The following CRMP1 variants were observed in gnomAD, a reference collection of about 807,000 sequenced individuals.
CRMP1 encodes dihydropyrimidinase-related protein 1.
A neutral mutation model predicts 68.3 loss-of-function variants in CRMP1; 19 were observed. The ratio of observed to expected loss-of-function variants is 0.28; its 90% confidence interval spans 0.19 to 0.41. The LOEUF (loss-of-function observed/expected upper bound fraction) is 0.41. Among genes scored for constraint, CRMP1 ranks in the 10% least tolerant of loss-of-function variants. CRMP1 has a pLI of 1.00. For missense variants in CRMP1, 791 were observed against 967.4 expected, an observed-to-expected ratio of 0.82 and a Z score of 2.42; for synonymous variants, 439 against 399.6, an observed-to-expected ratio of 1.10 and a Z score of -1.18.
Position 5,861,919 on chromosome 4 carries a change from C to G in CRMP1, c.471-709G>C, listed in dbSNP as rs1713592239. ...TTAATTTTCTAAGTCACAAAAAACCCTAGTAATAAAGACACAGGAAGATGC... is the reference window on the plus strand; with the variant it reads ...TTAATTTTCTAAGTCACAAAAAACCGTAGTAATAAAGACACAGGAAGATGC... On this transcript the variant is annotated intron_variant, in intron 2 of 13. Coordinates refer to ENST00000324989, the MANE Select transcript of CRMP1 (RefSeq NM_001014809.3). The surrounding 1 kb of genome is among the most constrained non-coding windows in gnomAD (Gnocchi z 6.0). 6.6e-6 allele frequency among the ~76,000 whole-genome samples: 1 copy of G among 152,154 alleles called. No homozygotes were observed. Among genetic ancestry groups the G allele is most frequent in the South Asian group, 2.1e-4 (1 of 4,830 alleles).
intron 1 of CRMP1, among the ~76,000 whole-genome samples, chr4:5,884,984 T>TA (rs33952240): frequency 0.57 from 79,749 of 140,716 alleles, 22,374 homozygotes; most frequent in East Asian, 0.73. Flanking sequence ...TGCCATTCAT[T>TA]AAAAAAAAAA....
intron 6 of CRMP1, among the ~76,000 whole-genome samples, 176 bp downstream of exon 6, chr4:5,849,216 A>G (rs112886471): frequency 6.6e-6 from 1 of 152,218 alleles, no homozygotes; most frequent in Admixed American, 6.5e-5. Context: ...TGCCACTGGT[A>G]TGACCTAGGT....
At position 5,865,320 on chromosome 4, in the gene CRMP1, G is replaced by C. The variant is rs145638180; in HGVS notation, c.470+1348C>G. On this transcript the variant is annotated intron_variant, in intron 2 of 13. Transcript: ENST00000324989. The surrounding 1 kb of genome is among the most constrained non-coding windows in gnomAD (Gnocchi z 4.1). ...AAGAGAACTGCCCTGATCCTCACCC[G>C]CCAGTAAAATGTTAAGGCCAGCCAG... Among the ~76,000 whole-genome samples the C allele has an allele frequency of 2.3e-3, 350 of 152,076 alleles. No individual in the cohort carries two copies. The highest frequency in any genetic ancestry group is 8.0e-3 in the African/African-American group (331 of 41,498).
chr4:5,868,310 T>G (rs1447961135), intron 1 of CRMP1, among the ~76,000 whole-genome samples: 1 of 137,864 alleles, frequency 7.3e-6, no homozygotes, highest in Admixed American at 7.3e-5. Flanking sequence ...TATACATAAT[T>G]TTTTTTTTTG....
chr4:5,824,092 G>C (rs1275692653), intron 13 of CRMP1, among the ~76,000 whole-genome samples: 1 of 152,144 alleles, frequency 6.6e-6, no homozygotes, highest in African/African-American at 2.4e-5. Context: ...TAACTTCATT[G>C]TTATTCTTGT....
At position 5,889,830 on chromosome 4, in the gene CRMP1, C is replaced by A; in HGVS notation, c.381+2759G>T. 6.7e-7 allele frequency: 1 copy of A among 1,482,412 alleles called. No individual in the cohort carries two copies. Among genetic ancestry groups the A allele is most frequent in the South Asian group, 1.3e-5 (1 of 75,528 alleles). 91.8% of individuals were successfully genotyped at this position (1,482,412 alleles called of 1,614,324 possible). A position where few individuals can be genotyped will look rare whatever the true frequency, so the allele number is the denominator to read the frequency against. ...CAGTCCCCTAATCCAGGGCAGGAGG[C>A]CAGAGACACCTGGGCCTTAAAATAG... On this transcript the variant is annotated intron_variant, in intron 1 of 13. Coordinates refer to ENST00000324989, the MANE Select transcript of CRMP1 (RefSeq NM_001014809.3). This position sits in a 1 kb window ranked among gnomAD's most constrained non-coding sequence, Gnocchi z 4.5.
At chr4:5,868,283 A>ATATC (rs1714167441) in intron 1 of CRMP1, among the ~76,000 whole-genome samples, 1 of 121,138 alleles carries the variant, frequency 8.3e-6, no homozygotes, top group Non-Finnish European at 1.9e-5. Flanking sequence ...ATATATATAT[A>ATATC]TATATATATA....
rs1009497532 is a variant in CRMP1 at position 5,860,941 on chromosome 4, C to T, written c.655+85G>A. On this transcript the variant is annotated intron_variant, in intron 3 of 13. Coordinates refer to ENST00000324989, the MANE Select transcript of CRMP1 (RefSeq NM_001014809.3). This position sits in a 1 kb window ranked among gnomAD's most constrained non-coding sequence, Gnocchi z 4.2. ...CAATGGCACCCTGGGCAGAGAGCCT[C>T]GAACACACTGAGCACTTGTGATGCT... is the stretch of plus-strand genomic sequence containing the variant. 7.1e-6 allele frequency: 10 copies of T among 1,405,232 alleles called. No homozygotes were observed. The highest frequency in any genetic ancestry group is 2.0e-5 in the Admixed American group (1 of 49,744). The allele number at this position is 1,405,232 out of a possible 1,614,324, so 87.0% of individuals were successfully genotyped here. A position where few individuals can be genotyped will look rare whatever the true frequency, so the allele number is the denominator to read the frequency against.
rs527980677 is a variant in CRMP1, at chr4:5,890,608, C to G, written c.381+1981G>C. On this transcript the variant is annotated intron_variant, in intron 1 of 13. Coordinates refer to ENST00000324989, the MANE Select transcript of CRMP1 (RefSeq NM_001014809.3). This position sits in a 1 kb window ranked among gnomAD's most constrained non-coding sequence, Gnocchi z 5.5. ...CGAAGCTCGAGTGCTTTCGGAGCCC[C>G]GGGAGCGCCAGAGGCGCTGCCTTTT... Among the ~76,000 whole-genome samples, 1 of 152,224 alleles carries G rather than the reference C, an allele frequency of 6.6e-6. No individual in the cohort carries two copies. The highest frequency in any genetic ancestry group is 1.5e-5 in the Non-Finnish European group (1 of 68,038).
At chr4:5,833,401 C>T (rs1385343343) in intron 11 of CRMP1, among the ~76,000 whole-genome samples, 1 of 86,980 alleles carries the variant, frequency 1.1e-5, no homozygotes, top group Non-Finnish European at 2.5e-5. Flanking sequence ...CTCCTGACCT[C>T]GTGATCCGCC....
In CRMP1 at chr4:5,870,064, T is replaced by C. The variant is rs750104586; in HGVS notation, c.382-3308A>G. Among the ~76,000 whole-genome samples, 2 of 152,160 alleles carry C rather than the reference T, an allele frequency of 1.3e-5. No individual in the cohort carries two copies. The highest frequency in any genetic ancestry group is 2.9e-5 in the Non-Finnish European group (2 of 68,028). On this transcript the variant is annotated intron_variant, in intron 1 of 13. Coordinates refer to ENST00000324989, the MANE Select transcript of CRMP1 (RefSeq NM_001014809.3). This position sits in a 1 kb window ranked among gnomAD's most constrained non-coding sequence, Gnocchi z 6.0. The stretch of plus-strand genomic sequence containing the variant: ...AGAAACACATCATGCAGTCGGCTGC[T>C]CAAAGCTTCTTGCATCAGAATCATA...
Position 5,892,231 on chromosome 4 carries a change from T to C in CRMP1, c.381+358A>G, listed in dbSNP as rs1166382344. ...CTCCAGTTCTTTTCACAAAACAGAA[T>C]GAGGGGCCTGGGTTAGATTCATCCC... On this transcript the variant is annotated intron_variant, in intron 1 of 13. Coordinates refer to ENST00000324989, the MANE Select transcript of CRMP1 (RefSeq NM_001014809.3). The surrounding 1 kb of genome is among the most constrained non-coding windows in gnomAD (Gnocchi z 8.6). Among the ~76,000 whole-genome samples the C allele has an allele frequency of 6.6e-6, 1 of 152,162 alleles. No homozygotes were observed. Among genetic ancestry groups the C allele is most frequent in the African/African-American group, 2.4e-5 (1 of 41,446 alleles).
intron 1 of CRMP1, among the ~76,000 whole-genome samples, chr4:5,880,674 G>A (rs1442216100): frequency 6.6e-6 from 1 of 152,200 alleles, no homozygotes; most frequent in African/African-American, 2.4e-5. Context: ...TCTCCCCATT[G>A]TCAAAGCACC....
rs553887852 is a variant in CRMP1 at position 5,863,928 on chromosome 4, GTCAC to G, written c.471-2722_471-2719del. On this transcript the variant is annotated intron_variant, in intron 2 of 13. Coordinates refer to ENST00000324989, the MANE Select transcript of CRMP1 (RefSeq NM_001014809.3). Reference sequence around the variant, plus strand: ...AGGGCCCTGTGAGGCCTCAGTCACCGTCACTCACTCAGCTTCACAAGTCCGGAGT... The same window carrying G: ...AGGGCCCTGTGAGGCCTCAGTCACCGTCACTCAGCTTCACAAGTCCGGAGT... Among the ~76,000 whole-genome samples the G allele has an allele frequency of 4.1e-4, 63 of 152,300 alleles. No individual in the cohort carries two copies. The South Asian group carries it at 0.013, about 31-fold the overall frequency.
chr4:5,849,407 T>C lies in CRMP1; in HGVS notation c.948A>G (p.Gly316=). Residue 316 remains glycine, a synonymous_variant, in exon 6 of 14, where the codon GGA becomes GGG. Transcript: ENST00000324989. ...GAVILVHAEN[G]DLIAQEQKRI... is the part of the protein sequence containing the mutation. The stretch of plus-strand genomic sequence containing the variant: ...TGCCACTCACCTGAGCTATCAAATC[T>C]CCATTTTCTGCATGGACCAAGATCA... The C allele has an allele frequency of 6.2e-7, 1 of 1,613,660 alleles. No homozygotes were observed.
chr4:5,824,621 ATAGTTTG>A, intron 13 of CRMP1: 1 of 950,596 alleles, frequency 1.1e-6, no homozygotes, highest in Non-Finnish European at 1.3e-6. Context: ...TGACCTGAGA[ATAGTTTG>A]TACATTTTCA....
chr4:5,832,506 T>C (rs1377624140), intron 11 of CRMP1, among the ~76,000 whole-genome samples: 1 of 152,254 alleles, frequency 6.6e-6, no homozygotes. Context: ...AATGATCTCT[T>C]TTCATTGTTA....
chr4:5,847,265 C>T (rs1019191739), intron 6 of CRMP1, among the ~76,000 whole-genome samples: 1 of 152,110 alleles, frequency 6.6e-6, no homozygotes, highest in Non-Finnish European at 1.5e-5. Flanking sequence ...ATGGGAAATA[C>T]AGCCAAGGAG....
rs142750710 is a variant in CRMP1 at position 5,828,012 on chromosome 4, G to A, written c.1803+477C>T. On this transcript the variant is annotated intron_variant, in intron 12 of 13. Transcript: ENST00000324989. The stretch of plus-strand genomic sequence containing the variant: ...CAGAAACGTCAAGGGAGGAAGGAAA[G>A]GAAGAAAGGGCGGATCTGAAGGAAG... 9.6e-4 allele frequency: 948 copies of A among 983,744 alleles called. 10 individuals are homozygous for A. The African/African-American group carries it at 0.016, about 16-fold the overall frequency. 60.9% of individuals were successfully genotyped at this position (983,744 alleles called of 1,614,324 possible). A position where few individuals can be genotyped will look rare whatever the true frequency, so the allele number is the denominator to read the frequency against.
Sources: gnomAD v4.1 joint callset for allele counts (sites outside exome capture counted in the v4.1 genomes callset) on GRCh38, gnomAD v4.1.1 for gene constraint, Gnocchi (gnomAD v3.1) non-coding constraint, MANE v1.5 for transcripts, NCBI Gene and HGNC (gene_info 2026-07-23, HGNC 2026-07-21) for gene names.